Variants in METTL25 observed in about 807,000 individuals in gnomAD.
METTL25 encodes methyltransferase like 25.
Under a neutral mutation model 71.6 loss-of-function variants are expected in METTL25, and 64 were observed. That is an observed-to-expected ratio of 0.89 (90% CI 0.73 to 1.10). The LOEUF (loss-of-function observed/expected upper bound fraction) is 1.10. METTL25 is among the 50% of genes least tolerant of loss of function. METTL25 has a pLI of 0.00. For missense variants in METTL25, 807 were observed against 707.0 expected (o/e 1.14, Z -1.60); for synonymous variants, 287 against 250.3 (o/e 1.15, Z -1.38).
intron 8 of METTL25, among the ~76,000 whole-genome samples, chr12:82,443,462 C>CAAAAAAAAAAAAAAAAGAAAAAAAAAAA: frequency 1.0e-5 from 1 of 96,614 alleles, no homozygotes; most frequent in Non-Finnish European, 2.2e-5. Context: ...CAGAGGAGAC[C>CAAAAAAAAAAAAAAAAGAAAAAAAAAAA]AAAAAAAAAA....
chr12:82,379,995 T>C (rs768417971), intron 1 of METTL25, among the ~76,000 whole-genome samples: 5 of 152,214 alleles, frequency 3.3e-5, no homozygotes, highest in Non-Finnish European at 7.3e-5. Context: ...TGTTCTGGCC[T>C]TAAATATTTG....
At chr12:82,402,280 GTTAT>G (rs530013993) in intron 4 of METTL25, among the ~76,000 whole-genome samples, 125 of 152,142 alleles carry the variant, frequency 8.2e-4, no homozygotes, top group African/African-American at 2.9e-3. Context: ...GTTTACAACA[GTTAT>G]TTATTTTTTA....
At chr12:82,402,785 G>C (rs567808283) in intron 4 of METTL25, among the ~76,000 whole-genome samples, 198 bp from the exon 5 acceptor site, 7 of 152,100 alleles carry the variant, frequency 4.6e-5, no homozygotes, top group Non-Finnish European at 1.0e-4. Flanking sequence ...TGTAGTCCCA[G>C]CTACTTGGGA....
At chr12:82,431,988 T>A (rs1849583701) in intron 6 of METTL25, among the ~76,000 whole-genome samples, 2 of 151,730 alleles carry the variant, frequency 1.3e-5, no homozygotes, top group South Asian at 4.1e-4. Flanking sequence ...ATCTACTGAA[T>A]GCATATCACT....
At chr12:82,466,517 T>C (rs1440945594) in intron 9 of METTL25, among the ~76,000 whole-genome samples, 1 of 152,100 alleles carries the variant, frequency 6.6e-6, no homozygotes, top group Non-Finnish European at 1.5e-5. Flanking sequence ...TAAGGTATGG[T>C]TAATCCTGGT....
chr12:82,385,615 A>G (rs1884915955), intron 1 of METTL25, among the ~76,000 whole-genome samples: 1 of 152,194 alleles, frequency 6.6e-6, no homozygotes, highest in African/African-American at 2.4e-5. Context: ...TAAATAAATT[A>G]ACTTGCCTTA....
intron 5 of METTL25, among the ~76,000 whole-genome samples, chr12:82,413,316 G>A (rs1432428559): frequency 6.6e-6 from 1 of 151,928 alleles, no homozygotes; most frequent in Admixed American, 6.6e-5. Flanking sequence ...AGCAAACTAA[G>A]TATGCACCCA....
intron 1 of METTL25, among the ~76,000 whole-genome samples, chr12:82,373,802 A>G (rs1476045332): frequency 2.0e-5 from 3 of 152,204 alleles, no homozygotes; most frequent in Admixed American, 2.0e-4. Flanking sequence ...CCAAAGAGCC[A>G]GGGGTTGTTA....
intron 9 of METTL25, among the ~76,000 whole-genome samples, chr12:82,460,961 GTGAAAC>G (rs1188949437): frequency 6.6e-6 from 1 of 152,166 alleles, no homozygotes; most frequent in Non-Finnish European, 1.5e-5. Context: ...GGCTAACACA[GTGAAAC>G]CCCATCTCTA....
At chr12:82,454,991 T>C (rs1168872808) in intron 8 of METTL25, among the ~76,000 whole-genome samples, 2 of 151,838 alleles carry the variant, frequency 1.3e-5, no homozygotes, top group African/African-American at 4.8e-5. Context: ...CCTCTTTTAA[T>C]GAACAAGAAA....
rs1459412303 is a variant in METTL25, at chr12:82,448,185, A to AT, written c.1479-8537dup. On this transcript the variant is annotated intron_variant, in intron 8 of 11. Transcript: ENST00000248306. ...TAATTACTTCTTTTCCATTTTCTTT[A>AT]TTTTTCTTGCTAGCTAAAATAAATC... Among the ~76,000 whole-genome samples, 12 of 152,084 alleles carry AT rather than the reference A, an allele frequency of 7.9e-5. 1 individual carries two copies. In the South Asian group the frequency reaches 2.5e-3, roughly 32 times the overall value.
chr12:82,361,772 G>A (rs962497758), intron 1 of METTL25, among the ~76,000 whole-genome samples: 2 of 152,174 alleles, frequency 1.3e-5, no homozygotes, highest in Admixed American at 6.5e-5. Flanking sequence ...AGCGTGGCGC[G>A]CAGCCCTGGT....
chr12:82,478,045 T>C (rs1892980313), intron 11 of METTL25, among the ~76,000 whole-genome samples: 1 of 151,864 alleles, frequency 6.6e-6, no homozygotes, highest in African/African-American at 2.4e-5. Flanking sequence ...CAAATGGATA[T>C]TTAAAAATGT....
rs972489399 is a variant in METTL25 at position 82,430,984 on chromosome 12, T to C, written c.1371T>C (p.Cys457=). 7 of 1,575,296 alleles carry C rather than the reference T, an allele frequency of 4.4e-6. No individual in the cohort carries two copies. In the South Asian group the frequency reaches 6.8e-5, roughly 15 times the overall value. ...GTCGTAATGCCAGAATGTCAGCATG[T>C]TTGGTATGGTTATATTTTTTCCTGG... is the stretch of plus-strand genomic sequence containing the variant. ...CCGRNARMSA[C]LALERVAAGQ... The change falls in exon 6 of 12, where the codon TGT becomes TGC. Residue 457 remains cysteine (C), a synonymous_variant. Coordinates refer to ENST00000248306, the MANE Select transcript of METTL25 (RefSeq NM_032230.3).
intron 6 of METTL25, among the ~76,000 whole-genome samples, chr12:82,433,941 C>A (rs1465040323): frequency 1.3e-5 from 2 of 151,028 alleles, no homozygotes; most frequent in East Asian, 3.9e-4. Flanking sequence ...GGAAATATAT[C>A]TAAAAACTCA....
intron 4 of METTL25, among the ~76,000 whole-genome samples, chr12:82,401,169 A>AT (rs34260736): frequency 0.026 from 3,856 of 149,748 alleles, 54 homozygotes; most frequent in Middle Eastern, 0.035. Context: ...TACAGGCGTA[A>AT]TTTTTTTTTT....
intron 9 of METTL25, among the ~76,000 whole-genome samples, chr12:82,465,055 A>G (rs939721017): frequency 2.0e-5 from 3 of 151,818 alleles, no homozygotes; most frequent in Non-Finnish European, 2.9e-5. Context: ...GGAAAGAGGG[A>G]TAATTTTACC....
intron 10 of METTL25, 76 bp downstream of exon 10, chr12:82,476,794 G>C (rs1262557147): frequency 7.8e-6 from 7 of 891,730 alleles, no homozygotes; most frequent in Non-Finnish European, 1.2e-5. Flanking sequence ...TTTTATTATG[G>C]GCTAAGCAAT....
chr12:82,358,862 A>G, intron 1 of METTL25, 38 bp downstream of exon 1: 1 of 1,562,512 alleles, frequency 6.4e-7, no homozygotes, highest in Non-Finnish European at 8.7e-7. Flanking sequence ...AGGGAGGCGG[A>G]GGAGAAGGTC....
Sources: gnomAD v4.1 joint callset for allele counts (sites outside exome capture counted in the v4.1 genomes callset) on GRCh38, gnomAD v4.1.1 for gene constraint, MANE v1.5 for transcripts, NCBI Gene and HGNC (gene_info 2026-07-23, HGNC 2026-07-21) for gene names.